PITPNM2: variants seen among roughly 807,000 people sequenced by gnomAD.
PITPNM2 encodes the protein membrane-associated phosphatidylinositol transfer protein 2.
Under a neutral mutation model 132.2 loss-of-function variants are expected in PITPNM2, and 35 were observed. The observed-to-expected ratio is 0.26, with a 90% CI of 0.20 to 0.35. PITPNM2 has a LOEUF of 0.35. Ranked by LOEUF, PITPNM2 falls within the 10% of genes least tolerant of loss-of-function variation. The pLI, the probability that PITPNM2 is intolerant of heterozygous loss-of-function variation, is 1.00. For synonymous variants in PITPNM2, 738 were observed against 799.2 expected, an observed-to-expected ratio of 0.92 and a Z score of 1.29; for missense variants, 1,332 against 1,912.0, an observed-to-expected ratio of 0.70 and a Z score of 5.66.
At position 123,034,616 on chromosome 12, in the gene PITPNM2, T is replaced by C; in HGVS notation, c.-26A>G. On this transcript the variant is annotated 5_prime_UTR_variant, in exon 3 of 26. Transcript: ENST00000320201. ...CTTGGAGTCCAAGCCTTCCCGTCGA[T>C]GGGGAACTGCAAGTTGGGACTTCTA... 1.2e-6 allele frequency: 2 copies of C among 1,606,852 alleles called. No individual in the cohort carries two copies. Among genetic ancestry groups the C allele is most frequent in the Non-Finnish European group, 1.7e-6 (2 of 1,173,306 alleles).
At chr12:123,141,580 G>A (rs1322426237) in intron 1 of PITPNM2, among the ~76,000 whole-genome samples, 1 of 152,128 alleles carries the variant, frequency 6.6e-6, no homozygotes, top group Non-Finnish European at 1.5e-5. Context: ...AGAGGGAAGA[G>A]CAGCCGTCTC....
At chr12:123,046,014 C>A (rs1354971601) in intron 2 of PITPNM2, among the ~76,000 whole-genome samples, 1 of 152,058 alleles carries the variant, frequency 6.6e-6, no homozygotes, top group Non-Finnish European at 1.5e-5. Flanking sequence ...CTCTGTGTCG[C>A]CTAAGACAGG....
At chr12:123,147,628 T>C (rs924192657) in intron 1 of PITPNM2, among the ~76,000 whole-genome samples, 3 of 152,098 alleles carry the variant, frequency 2.0e-5, no homozygotes, top group African/African-American at 4.8e-5. Flanking sequence ...TTGAGGGTAA[T>C]ATAGTTGCTA....
chr12:123,151,420 C>A (rs544915349), upstream of PITPNM2, among the ~76,000 whole-genome samples: 2 of 152,240 alleles, frequency 1.3e-5, no homozygotes, highest in South Asian at 4.1e-4. Flanking sequence ...GGCCGACTTG[C>A]GGCCACTGTG....
At chr12:122,998,039 A>G (rs1306651887) in intron 10 of PITPNM2, among the ~76,000 whole-genome samples, 1 of 152,158 alleles carries the variant, frequency 6.6e-6, no homozygotes, top group African/African-American at 2.4e-5. Context: ...CAGGGCCACC[A>G]CCAGCTCAAA....
chr12:123,054,447 C>T (rs73230047), intron 2 of PITPNM2, among the ~76,000 whole-genome samples: 2 of 152,348 alleles, frequency 1.3e-5, no homozygotes, highest in Non-Finnish European at 2.9e-5. Flanking sequence ...CTCCTGCTTA[C>T]ACTTCCCAGG....
chr12:122,992,013 C>T lies in PITPNM2; in HGVS notation c.2404+486G>A. On this transcript the variant is annotated intron_variant, in intron 16 of 25. Coordinates refer to ENST00000320201, the MANE Select transcript of PITPNM2 (RefSeq NM_020845.3). The surrounding 1 kb of genome is among the most constrained non-coding windows in gnomAD (Gnocchi z 6.5). Reference sequence around the variant, plus strand: ...TCGAGGACCAGGACGTGACAAGACGCTGGGACACACGCTGGGGCAGGGGTC... The same window carrying T: ...TCGAGGACCAGGACGTGACAAGACGTTGGGACACACGCTGGGGCAGGGGTC... 9 of 997,768 alleles carry T rather than the reference C, an allele frequency of 9.0e-6. No individual in the cohort carries two copies. In the South Asian group the frequency reaches 2.4e-4, roughly 26 times the overall value. 61.8% of individuals were successfully genotyped at this position (997,768 alleles called of 1,614,324 possible).
At chr12:123,146,658 C>A (rs969071368) in intron 1 of PITPNM2, among the ~76,000 whole-genome samples, 3 of 151,662 alleles carry the variant, frequency 2.0e-5, no homozygotes, top group African/African-American at 7.3e-5. Flanking sequence ...TAAGCAAATG[C>A]CAGCCTGCCC....
chr12:122,991,734 C>T (rs1268930491), intron 16 of PITPNM2: 9 of 1,295,418 alleles, frequency 6.9e-6, no homozygotes, highest in Non-Finnish European at 4.9e-6. Flanking sequence ...GACGTCACCA[C>T]GAGCAGGGGA....
intron 1 of PITPNM2, among the ~76,000 whole-genome samples, chr12:123,138,211 C>T (rs1230628787): frequency 6.6e-6 from 1 of 152,124 alleles, no homozygotes; most frequent in African/African-American, 2.4e-5. Context: ...CTTTGGGAGG[C>T]TGAGGTGGGT....
In PITPNM2 at chr12:123,009,935, G is replaced by A. The variant is rs2039111201; in HGVS notation, c.558C>T (p.Pro186=). 1 of 1,614,090 alleles carries A rather than the reference G, an allele frequency of 6.2e-7. No individual in the cohort carries two copies. The highest frequency in any genetic ancestry group is 1.1e-5 in the South Asian group (1 of 91,088). ...WIEEYKKQVF[P]IMCAYKLCKV... is the part of the protein sequence containing the mutation. Reference sequence around the variant, plus strand: ...TGCAGAGCTTGTATGCGCACATGATGGGGAAGACCTGCTTCTTGTACTCCT... The same window carrying A: ...TGCAGAGCTTGTATGCGCACATGATAGGGAAGACCTGCTTCTTGTACTCCT... The change falls in exon 6 of 26, where the codon CCC becomes CCT. Residue 186 remains proline (P), a synonymous_variant. Coordinates refer to ENST00000320201, the MANE Select transcript of PITPNM2 (RefSeq NM_020845.3). The surrounding 1 kb of genome is among the most constrained non-coding windows in gnomAD (Gnocchi z 4.8).
chr12:123,056,578 C>T (rs551036559), intron 2 of PITPNM2, among the ~76,000 whole-genome samples: 13 of 152,286 alleles, frequency 8.5e-5, no homozygotes, highest in African/African-American at 3.1e-4. Context: ...CAGGAGTGGC[C>T]TCCTGCTGCC....
intron 2 of PITPNM2, among the ~76,000 whole-genome samples, chr12:123,051,520 T>C (rs1309931101): frequency 2.6e-5 from 4 of 152,264 alleles, no homozygotes; most frequent in African/African-American, 9.6e-5. Context: ...TTAGAGCTTT[T>C]AATTCTCTGC....
intron 2 of PITPNM2, among the ~76,000 whole-genome samples, chr12:123,061,161 G>A (rs886071891): frequency 1.3e-5 from 2 of 152,168 alleles, no homozygotes; most frequent in African/African-American, 4.8e-5. Flanking sequence ...TAAACCCAAA[G>A]GTCTTCACAA....
Position 123,005,685 on chromosome 12 carries a change from G to A in PITPNM2, c.644-137C>T, listed in dbSNP as rs542698180. The A allele has an allele frequency of 2.3e-5, 18 of 770,932 alleles. No homozygotes were observed. In the African/African-American group the frequency reaches 2.4e-4, roughly 10 times the overall value. 47.8% of individuals were successfully genotyped at this position (770,932 alleles called of 1,614,324 possible). A position where few individuals can be genotyped will look rare whatever the true frequency, so the allele number is the denominator to read the frequency against. ...GCAGGTCAAACTAAAGTCACTGCCT[G>A]TCTGTGCCTCAGTTTCCCCATTTGT... On this transcript the variant is annotated intron_variant, in intron 6 of 25. Coordinates refer to ENST00000320201, the MANE Select transcript of PITPNM2 (RefSeq NM_020845.3). This position sits in a 1 kb window ranked among gnomAD's most constrained non-coding sequence, Gnocchi z 6.2.
intron 1 of PITPNM2, among the ~76,000 whole-genome samples, chr12:123,120,268 C>T (rs1036451108): frequency 3.3e-5 from 5 of 152,152 alleles, no homozygotes; most frequent in African/African-American, 7.2e-5. Flanking sequence ...CTGTGAGCTT[C>T]GACGGCCCCT....
chr12:123,048,203 AAAG>A (rs1226133634), intron 2 of PITPNM2, among the ~76,000 whole-genome samples: 1 of 152,226 alleles, frequency 6.6e-6, no homozygotes, highest in Admixed American at 6.5e-5. Flanking sequence ...CAGCCTCAAA[AAAG>A]AAGGACATTC....
chr12:123,063,014 C>G (rs773945170), intron 2 of PITPNM2, among the ~76,000 whole-genome samples: 1 of 152,252 alleles, frequency 6.6e-6, no homozygotes, highest in Non-Finnish European at 1.5e-5. Flanking sequence ...CACACACAAA[C>G]AGCAATGCCT....
chr12:123,132,906 C>G (rs1343360905), intron 1 of PITPNM2, among the ~76,000 whole-genome samples: 6 of 152,190 alleles, frequency 3.9e-5, no homozygotes, highest in African/African-American at 1.4e-4. Flanking sequence ...TGGAACCAAA[C>G]AGTATGGCAT....
Sources: allele counts gnomAD v4.1 joint callset (sites outside exome capture counted in the v4.1 genomes callset), GRCh38; gene constraint gnomAD v4.1.1; non-coding constraint Gnocchi (gnomAD v3.1); transcripts MANE v1.5; gene names NCBI Gene and HGNC (gene_info 2026-07-23, HGNC 2026-07-21).